FAM117B: variants seen among roughly 807,000 people sequenced by gnomAD.
FAM117B encodes family with sequence similarity 117 member B.
Under a neutral mutation model 52.8 loss-of-function variants are expected in FAM117B, and 22 were observed. That is an observed-to-expected ratio of 0.42 (90% CI 0.30 to 0.59). The LOEUF is 0.59. Among genes scored for constraint, FAM117B ranks in the 20% least tolerant of loss-of-function variants. The pLI is 0.22. For synonymous variants in FAM117B, 309 were observed against 324.1 expected (o/e 0.95, Z 0.50); for missense variants, 678 against 802.6 (o/e 0.84, Z 1.88).
At position 202,652,066 on chromosome 2, in the gene FAM117B, A is replaced by G. The variant is rs560382711; in HGVS notation, c.601+16278A>G. Among the ~76,000 whole-genome samples the G allele has an allele frequency of 5.3e-5, 8 of 151,974 alleles. No individual in the cohort carries two copies. The South Asian group carries it at 1.7e-3, about 32-fold the overall frequency. On this transcript the variant is annotated intron_variant, in intron 1 of 7. Transcript: ENST00000392238. The stretch of plus-strand genomic sequence containing the variant: ...GAAACTCTGTCTAAAAAAAAAAAAA[A>G]AAAAAAGATAAGGACAAGGGATGTC...
At chr2:202,649,302 C>T (rs1387299607) in intron 1 of FAM117B, among the ~76,000 whole-genome samples, 1 of 152,128 alleles carries the variant, frequency 6.6e-6, no homozygotes, top group Non-Finnish European at 1.5e-5. Flanking sequence ...TCTCTCTTTT[C>T]TGTCTTCCCT....
intron 1 of FAM117B, among the ~76,000 whole-genome samples, chr2:202,664,093 ATAC>A (rs1403284848): frequency 6.6e-6 from 1 of 152,254 alleles, no homozygotes; most frequent in African/African-American, 2.4e-5. Context: ...TATGCAAATA[ATAC>A]ATTCCAGTTC....
At chr2:202,662,905 T>A (rs577977020) in intron 1 of FAM117B, among the ~76,000 whole-genome samples, 1 of 152,248 alleles carries the variant, frequency 6.6e-6, no homozygotes, top group East Asian at 1.9e-4. Flanking sequence ...ATTACCCTGA[T>A]TTGATTATTA....
At chr2:202,694,826 C>T (rs544089596) in intron 1 of FAM117B, among the ~76,000 whole-genome samples, 5 of 152,158 alleles carry the variant, frequency 3.3e-5, no homozygotes, top group African/African-American at 1.2e-4. Context: ...ATTACTCCAT[C>T]CTCTGTGAAG....
intron 1 of FAM117B, among the ~76,000 whole-genome samples, chr2:202,654,601 C>G (rs1690024797): frequency 6.6e-6 from 1 of 151,424 alleles, no homozygotes; most frequent in Non-Finnish European, 1.5e-5. Flanking sequence ...TAATAGTATA[C>G]ACATCTTACT....
At chr2:202,640,764 T>C (rs1020280820) in intron 1 of FAM117B, among the ~76,000 whole-genome samples, 4 of 151,896 alleles carry the variant, frequency 2.6e-5, no homozygotes, top group African/African-American at 9.7e-5. Context: ...TACATGCCAC[T>C]ATGCCCAGCT....
intron 1 of FAM117B, among the ~76,000 whole-genome samples, chr2:202,648,740 A>G (rs1399507443): frequency 6.6e-6 from 1 of 151,804 alleles, no homozygotes; most frequent in Non-Finnish European, 1.5e-5. Context: ...ATTTATCTGT[A>G]GGACAAATTC....
chr2:202,754,921 C>CT (rs1691779719), intron 4 of FAM117B, among the ~76,000 whole-genome samples: 1 of 142,188 alleles, frequency 7.0e-6, no homozygotes, highest in African/African-American at 2.6e-5. Flanking sequence ...GCTTAATTGA[C>CT]TAACAGTTCT....
chr2:202,724,855 A>G lies in FAM117B; in HGVS notation c.754-62A>G, dbSNP rs964743994. On this transcript the variant is annotated intron_variant, in intron 2 of 7. Coordinates refer to ENST00000392238, the MANE Select transcript of FAM117B (RefSeq NM_173511.4). ...GAAATATGTTTTATAATAGAAAAATATGGTAGACATTGTTGTGAAATGATT... is the reference window on the plus strand; with the variant it reads ...GAAATATGTTTTATAATAGAAAAATGTGGTAGACATTGTTGTGAAATGATT... 16 of 1,200,598 alleles carry G rather than the reference A, an allele frequency of 1.3e-5. No homozygotes were observed. In the East Asian group the frequency reaches 1.5e-4, roughly 11 times the overall value. 74.4% of individuals were successfully genotyped at this position (1,200,598 alleles called of 1,614,324 possible).
intron 1 of FAM117B, among the ~76,000 whole-genome samples, chr2:202,672,508 C>T (rs1690313894): frequency 1.3e-5 from 2 of 152,218 alleles, no homozygotes; most frequent in Non-Finnish European, 2.9e-5. Flanking sequence ...GCCACTGCAC[C>T]TGGCACTATT....
rs140016479 is a variant in FAM117B, at chr2:202,718,476, A to AT, written c.754-6437dup. ...AAATGATCATATAATGCTGTTCTTT[A>AT]TTTTGTTAATGTGGCATATTATATC... On this transcript the variant is annotated intron_variant, in intron 2 of 7. Coordinates refer to ENST00000392238, the MANE Select transcript of FAM117B (RefSeq NM_173511.4). Among the ~76,000 whole-genome samples the AT allele has an allele frequency of 8.5e-3, 1,287 of 152,024 alleles. 23 individuals carry two copies. Among genetic ancestry groups the AT allele is most frequent in the African/African-American group, 0.029 (1,216 of 41,454 alleles).
chr2:202,726,465 A>T (rs1691247005), intron 4 of FAM117B, 102 bp downstream of exon 4: 1 of 789,802 alleles, frequency 1.3e-6, no homozygotes, highest in South Asian at 1.8e-5. Context: ...GCTCAAAAAC[A>T]TATTTGAAAC....
intron 1 of FAM117B, among the ~76,000 whole-genome samples, chr2:202,652,451 G>GAA (rs1258329665): frequency 1.3e-5 from 2 of 152,152 alleles, no homozygotes; most frequent in Admixed American, 1.3e-4. Context: ...AGGATGTTGA[G>GAA]AACACATCCT....
intron 2 of FAM117B, among the ~76,000 whole-genome samples, chr2:202,720,078 A>G (rs1234448845): frequency 6.6e-6 from 1 of 152,162 alleles, no homozygotes; most frequent in Non-Finnish European, 1.5e-5. Flanking sequence ...TTGAGATTGT[A>G]AATATTCTGT....
intron 4 of FAM117B, among the ~76,000 whole-genome samples, chr2:202,737,792 G>C (rs1477451112): frequency 1.3e-5 from 2 of 152,020 alleles, no homozygotes; most frequent in Non-Finnish European, 2.9e-5. Context: ...CGTAGAGACA[G>C]GGTTTCACTA....
intron 1 of FAM117B, among the ~76,000 whole-genome samples, chr2:202,644,595 A>C (rs1289424657): frequency 6.6e-6 from 1 of 152,124 alleles, no homozygotes; most frequent in African/African-American, 2.4e-5. Context: ...GTTTTGCTGG[A>C]GTGCATTTTC....
Position 202,647,023 on chromosome 2 carries a change from T to G in FAM117B, c.601+11235T>G, listed in dbSNP as rs115902045. Among the ~76,000 whole-genome samples the G allele has an allele frequency of 9.3e-3, 1,421 of 152,258 alleles. 24 individuals are homozygous for G. The highest frequency in any genetic ancestry group is 0.032 in the African/African-American group (1,325 of 41,554). On this transcript the variant is annotated intron_variant, in intron 1 of 7. Transcript: ENST00000392238. ...GCAGTTAAGCTTAGCTTACCTTTCT[T>G]GAAATTAATCTCTTCCCTTTTCTTA...
At chr2:202,755,512 T>C in intron 4 of FAM117B, 26 bp from the exon 5 acceptor site, 1 of 1,610,902 alleles carries the variant, frequency 6.2e-7, no homozygotes, top group South Asian at 1.1e-5. Flanking sequence ...ATGTTAAGCC[T>C]CTCTTCTCCA....
intron 1 of FAM117B, among the ~76,000 whole-genome samples, chr2:202,655,759 AGAGTGTGT>A (rs1161917122): frequency 1.6e-5 from 2 of 122,008 alleles, no homozygotes; most frequent in African/African-American, 6.1e-5. Flanking sequence ...AGAGAGAGAG[AGAGTGTGT>A]GTGTGTGTGT....
Sources: gnomAD v4.1 joint callset for allele counts (sites outside exome capture counted in the v4.1 genomes callset) on GRCh38, gnomAD v4.1.1 for gene constraint, MANE v1.5 for transcripts, NCBI Gene and HGNC (gene_info 2026-07-23, HGNC 2026-07-21) for gene names.